The following UBAC2 variants were observed in gnomAD, a reference collection of about 807,000 sequenced individuals.
UBAC2 encodes ubiquitin-associated domain-containing protein 2.
In UBAC2, 26 loss-of-function variants were observed where a neutral mutation model predicts 44.0. The observed-to-expected ratio is 0.59, with a 90% CI of 0.43 to 0.82. UBAC2 has a LOEUF of 0.82. UBAC2 is among the 40% of genes least tolerant of loss of function. The pLI, the probability that UBAC2 is intolerant of heterozygous loss-of-function variation, is 0.00. For synonymous variants in UBAC2, 155 were observed against 154.3 expected (o/e 1.00, Z -0.04); for missense variants, 329 against 419.4 (o/e 0.78, Z 1.88).
intron 4 of UBAC2, among the ~76,000 whole-genome samples, chr13:99,299,267 T>C (rs2044221437): frequency 6.6e-6 from 1 of 152,140 alleles, no homozygotes; most frequent in Non-Finnish European, 1.5e-5. Context: ...TATCCTTCAT[T>C]AGGGGATTAA....
At chr13:99,291,900 G>A (rs2044093474) in intron 4 of UBAC2, among the ~76,000 whole-genome samples, 1 of 152,024 alleles carries the variant, frequency 6.6e-6, no homozygotes, top group African/African-American at 2.4e-5. Flanking sequence ...CAATGTGTAG[G>A]TTCTATGGCA....
At chr13:99,289,145 ACCAGGCCACCCATCT>A (rs2138703175) in intron 4 of UBAC2, among the ~76,000 whole-genome samples, 1 of 152,356 alleles carries the variant, frequency 6.6e-6, no homozygotes, top group Admixed American at 6.5e-5. Context: ...GTCTGACAGA[ACCAGGCCACCCATCT>A]CCAGGCCAGT....
intron 4 of UBAC2, among the ~76,000 whole-genome samples, chr13:99,262,777 T>C (rs1371949971): frequency 6.8e-6 from 1 of 146,820 alleles, no homozygotes; most frequent in Non-Finnish European, 1.5e-5. Context: ...AGATGTGTTA[T>C]CAGGTTATTT....
Position 99,356,128 on chromosome 13 carries a change from A to G in UBAC2, c.808-11659A>G, listed in dbSNP as rs375958897. ...AAGACTTGGGACACATGTCTGTCAG[A>G]CTGTACACAGTAGAAGCATCCCTTG... On this transcript the variant is annotated intron_variant, in intron 7 of 8. Transcript: ENST00000403766. 7 of 532,408 alleles carry G rather than the reference A, an allele frequency of 1.3e-5. No homozygotes were observed. The African/African-American group carries it at 1.3e-4, about 10-fold the overall frequency. 33.0% of individuals were successfully genotyped at this position (532,408 alleles called of 1,614,324 possible).
chr13:99,242,516 C>A (rs2043319726), intron 2 of UBAC2, among the ~76,000 whole-genome samples: 4 of 145,142 alleles, frequency 2.8e-5, no homozygotes, highest in Non-Finnish European at 3.1e-5. Context: ...CTGCCCCCCC[C>A]ACCTCCCTCC....
chr13:99,380,820 G>T (rs1448880608), intron 8 of UBAC2, among the ~76,000 whole-genome samples: 2 of 152,154 alleles, frequency 1.3e-5, no homozygotes, highest in South Asian at 2.1e-4. Context: ...TTTTAATCTG[G>T]TGAAAATAAC....
chr13:99,377,063 G>C (rs1464578683), intron 8 of UBAC2: 1 of 152,344 alleles, frequency 6.6e-6, no homozygotes, highest in Non-Finnish European at 1.5e-5. Context: ...CAGAGTCTCA[G>C]TGTCCTACCA....
intron 7 of UBAC2, among the ~76,000 whole-genome samples, chr13:99,342,605 G>GC (rs2044908247): frequency 6.6e-6 from 1 of 152,188 alleles, no homozygotes; most frequent in Admixed American, 6.5e-5. Flanking sequence ...CCATTCGTGT[G>GC]CCAGCGCTGG....
intron 4 of UBAC2, among the ~76,000 whole-genome samples, chr13:99,269,514 A>T (rs1057460366): frequency 6.6e-6 from 1 of 152,192 alleles, no homozygotes; most frequent in Non-Finnish European, 1.5e-5. Flanking sequence ...CTTTCTTATA[A>T]GCAAGGGGTA....
intron 6 of UBAC2, among the ~76,000 whole-genome samples, chr13:99,319,069 G>A (rs899151984): frequency 1.3e-5 from 2 of 152,154 alleles, no homozygotes; most frequent in Non-Finnish European, 2.9e-5. Flanking sequence ...GGAAAGTCAG[G>A]TGGGTTGGAC....
At chr13:99,346,206 G>A (rs2044977715) in intron 7 of UBAC2, among the ~76,000 whole-genome samples, 1 of 152,090 alleles carries the variant, frequency 6.6e-6, no homozygotes, top group Non-Finnish European at 1.5e-5. Flanking sequence ...GCCCCAAAGA[G>A]TCTCCCTCCT....
At chr13:99,271,251 T>C (rs1317950864) in intron 4 of UBAC2, among the ~76,000 whole-genome samples, 1 of 152,196 alleles carries the variant, frequency 6.6e-6, no homozygotes, top group African/African-American at 2.4e-5. Context: ...GTTTTAATAA[T>C]TCTAGTAAGG....
chr13:99,250,847 A>C (rs150233589), intron 4 of UBAC2, among the ~76,000 whole-genome samples: 401 of 152,162 alleles, frequency 2.6e-3, no homozygotes, highest in Non-Finnish European at 4.1e-3. Context: ...CCCAGGTTCA[A>C]GCAATTCTCC....
chr13:99,358,052 G>C (rs540063569), intron 7 of UBAC2, among the ~76,000 whole-genome samples: 2 of 152,204 alleles, frequency 1.3e-5, no homozygotes, highest in African/African-American at 4.8e-5. Context: ...AATGGGATGT[G>C]CTGAGAGCTG....
chr13:99,356,424 A>G (rs1208748318), intron 7 of UBAC2, among the ~76,000 whole-genome samples: 2 of 152,238 alleles, frequency 1.3e-5, no homozygotes. Flanking sequence ...AAGGTTCTCA[A>G]AACTGAGCAA....
intron 4 of UBAC2, among the ~76,000 whole-genome samples, chr13:99,271,014 T>G (rs1329866213): frequency 2.6e-5 from 4 of 152,208 alleles, no homozygotes; most frequent in Non-Finnish European, 4.4e-5. Context: ...CTTGTTAAAT[T>G]ATTTGTTGAG....
chr13:99,207,993 C>CTCT (rs1555318492), intron 1 of UBAC2, among the ~76,000 whole-genome samples: 3 of 109,510 alleles, frequency 2.7e-5, no homozygotes, highest in Admixed American at 9.6e-5. Flanking sequence ...CTCATCGTCT[C>CTCT]TTTTTTTTTT....
Position 99,226,871 on chromosome 13 carries a change from A to G in UBAC2, c.32-11556A>G, listed in dbSNP as rs568804159. Among the ~76,000 whole-genome samples, 13 of 152,250 alleles carry G rather than the reference A, an allele frequency of 8.5e-5. No homozygotes were observed. In the East Asian group the frequency reaches 2.5e-3, roughly 29 times the overall value. On this transcript the variant is annotated intron_variant, in intron 1 of 8. Coordinates refer to ENST00000403766, the MANE Select transcript of UBAC2 (RefSeq NM_001144072.2). Reference sequence around the variant, plus strand: ...TCAGGTCTCTGCTCAAATCCACATTACAAGAAGGTTTTCCCTAACCAGGTT... The same window carrying G: ...TCAGGTCTCTGCTCAAATCCACATTGCAAGAAGGTTTTCCCTAACCAGGTT...
chr13:99,325,558 G>A (rs2044630584), intron 6 of UBAC2, among the ~76,000 whole-genome samples: 1 of 152,042 alleles, frequency 6.6e-6, no homozygotes, highest in Non-Finnish European at 1.5e-5. Flanking sequence ...CTTTATTTAT[G>A]AGAGCTCTCC....
Sources: gnomAD v4.1 joint callset for allele counts (sites outside exome capture counted in the v4.1 genomes callset) on GRCh38, gnomAD v4.1.1 for gene constraint, MANE v1.5 for transcripts, NCBI Gene and HGNC (gene_info 2026-07-23, HGNC 2026-07-21) for gene names.